SUGCT: variants seen among roughly 807,000 people sequenced by gnomAD.
SUGCT encodes the protein succinyl-CoA:glutarate-CoA transferase.
SUGCT carries 41 observed loss-of-function variants against 55.0 expected under a neutral mutation model. That is an observed-to-expected ratio of 0.74 (90% confidence interval 0.58 to 0.97). SUGCT has a LOEUF of 0.97. Ranked by LOEUF, SUGCT falls within the 50% of genes least tolerant of loss-of-function variation. The pLI, the probability that SUGCT is intolerant of heterozygous loss-of-function variation, is 0.00. For missense variants in SUGCT, 568 were observed against 547.8 expected (o/e 1.04, Z -0.37); for synonymous variants, 187 against 200.4 (o/e 0.93, Z 0.56).
rs62456129 is a variant in SUGCT, at chr7:40,271,114, A to G, written c.577-3399A>G. Among the ~76,000 whole-genome samples the G allele has an allele frequency of 2.5e-3, 384 of 152,238 alleles. 2 individuals carry two copies. The highest frequency in any genetic ancestry group is 4.1e-3 in the Non-Finnish European group (281 of 68,026). ...TAGTGGATTCCTTAGGACTTTTGAT[A>G]TATAAGACTGGGTCATCTGCAAATT... On this transcript the variant is annotated intron_variant, in intron 7 of 13. Transcript: ENST00000335693.
At chr7:40,536,917 C>T (rs185560980) in intron 12 of SUGCT, among the ~76,000 whole-genome samples, 226 of 152,224 alleles carry the variant, frequency 1.5e-3, no homozygotes, top group African/African-American at 2.8e-3. Context: ...TGGCATCTAA[C>T]AGTACAGTAG....
intron 8 of SUGCT, among the ~76,000 whole-genome samples, chr7:40,301,270 A>C (rs1194033319): frequency 6.6e-6 from 1 of 152,226 alleles, no homozygotes; most frequent in East Asian, 1.9e-4. Context: ...GAATGAAAAC[A>C]ATGTGCATAC....
the SUGCT span, among the ~76,000 whole-genome samples, chr7:40,989,631 C>T: frequency 2.6e-5 from 4 of 151,844 alleles, no homozygotes; most frequent in African/African-American, 9.7e-5. Context: ...ATCAGCTGGC[C>T]CTGGTGGTGT....
intron 12 of SUGCT, among the ~76,000 whole-genome samples, chr7:40,516,740 T>A (rs1241621422): frequency 6.6e-6 from 1 of 152,190 alleles, no homozygotes; most frequent in African/African-American, 2.4e-5. Flanking sequence ...GCTCTGTTGT[T>A]AAGTTTTGAA....
At chr7:40,803,106 C>T (rs1341372974) in intron 13 of SUGCT, among the ~76,000 whole-genome samples, 1 of 152,160 alleles carries the variant, frequency 6.6e-6, no homozygotes, top group East Asian at 1.9e-4. Context: ...TTTTTATCAA[C>T]TATAATTTTA....
intron 6 of SUGCT, among the ~76,000 whole-genome samples, chr7:40,225,601 A>G (rs1247654968): frequency 3.3e-5 from 5 of 151,644 alleles, no homozygotes; most frequent in South Asian, 4.2e-4. Flanking sequence ...ACGCTCAGCT[A>G]GTTTTTGTAT....
intron 6 of SUGCT, among the ~76,000 whole-genome samples, 162 bp downstream of exon 6, chr7:40,195,222 C>CTTTTTTTTT (rs11326653): frequency 3.9e-5 from 4 of 101,286 alleles, no homozygotes; most frequent in Admixed American, 1.1e-4. Context: ...TTTCTTTTTT[C>CTTTTTTTTT]TTTTTTTTTT....
chr7:40,968,902 C>G, the SUGCT span, among the ~76,000 whole-genome samples: 1 of 152,150 alleles, frequency 6.6e-6, no homozygotes, highest in African/African-American at 2.4e-5. Flanking sequence ...TCACAAGCAC[C>G]TGTGGTGTGA....
the SUGCT span, among the ~76,000 whole-genome samples, chr7:40,909,395 G>T: frequency 5.2e-4 from 79 of 152,300 alleles, no homozygotes; most frequent in Non-Finnish European, 9.7e-4. Flanking sequence ...ATGGCTACAT[G>T]TCACCCCGGG....
chr7:40,264,983 C>G (rs1791463507), intron 7 of SUGCT, among the ~76,000 whole-genome samples: 1 of 152,118 alleles, frequency 6.6e-6, no homozygotes, highest in Admixed American at 6.6e-5. Flanking sequence ...ATACCAAATG[C>G]TGAAGTAGAT....
chr7:40,410,114 G>A (rs1383463606), intron 9 of SUGCT, among the ~76,000 whole-genome samples: 3 of 151,998 alleles, frequency 2.0e-5, no homozygotes, highest in Admixed American at 6.6e-5. Context: ...CAATTACCAT[G>A]CTTATATTGT....
chr7:40,290,234 C>T (rs1348768945), intron 8 of SUGCT, among the ~76,000 whole-genome samples: 1 of 152,198 alleles, frequency 6.6e-6, no homozygotes, highest in Non-Finnish European at 1.5e-5. Flanking sequence ...CTGGAGGCAG[C>T]ATGCTACCTG....
intron 12 of SUGCT, among the ~76,000 whole-genome samples, chr7:40,664,537 GCAAA>G (rs1287548114): frequency 6.6e-6 from 1 of 152,134 alleles, no homozygotes; most frequent in Non-Finnish European, 1.5e-5. Context: ...AACGGAATGA[GCAAA>G]CAGAGATGAG....
the SUGCT span, among the ~76,000 whole-genome samples, chr7:40,953,053 A>G: frequency 2.0e-5 from 3 of 152,176 alleles, no homozygotes; most frequent in Non-Finnish European, 2.9e-5. Context: ...GTGTTTTCCA[A>G]CTTGGTTCCA....
the SUGCT span, among the ~76,000 whole-genome samples, chr7:41,027,956 A>G: frequency 1.3e-5 from 2 of 152,176 alleles, no homozygotes; most frequent in Non-Finnish European, 2.9e-5. Context: ...TGATGAACCC[A>G]TCCAAACTGG....
intron 13 of SUGCT, among the ~76,000 whole-genome samples, chr7:40,752,725 A>G (rs1276004939): frequency 6.6e-6 from 1 of 150,456 alleles, no homozygotes; most frequent in East Asian, 1.9e-4. Context: ...AGAAATTTCA[A>G]AGTTATATGG....
chr7:40,975,182 A>C, the SUGCT span, among the ~76,000 whole-genome samples: 2 of 152,066 alleles, frequency 1.3e-5, no homozygotes, highest in Non-Finnish European at 2.9e-5. Flanking sequence ...TTTTGTATAC[A>C]TTTCCCTTCA....
chr7:40,529,688 ATTT>A (rs200349258), intron 12 of SUGCT, among the ~76,000 whole-genome samples: 3 of 151,832 alleles, frequency 2.0e-5, no homozygotes, highest in African/African-American at 7.3e-5. Context: ...AAGTTAAAGG[ATTT>A]TTTTTTCCAT....
the SUGCT span, among the ~76,000 whole-genome samples, chr7:40,916,189 C>T: frequency 6.6e-6 from 1 of 152,088 alleles, no homozygotes; most frequent in Non-Finnish European, 1.5e-5. Flanking sequence ...ATTTGTTTCT[C>T]CATCACCTGT....
Sources: gnomAD v4.1 joint callset for allele counts (sites outside exome capture counted in the v4.1 genomes callset) on GRCh38, gnomAD v4.1.1 for gene constraint, MANE v1.5 for transcripts, NCBI Gene and HGNC (gene_info 2026-07-23, HGNC 2026-07-21) for gene names.